Variants in RAD50 observed in about 807,000 individuals in gnomAD.
RAD50 encodes RAD50 double strand break repair protein, also known as DNA repair protein RAD50.
In RAD50, 132 loss-of-function variants were observed where a neutral mutation model predicts 168.8. The observed-to-expected ratio is 0.78, with a 90% CI of 0.68 to 0.90. The LOEUF is 0.90. Ranked by LOEUF, RAD50 falls within the 40% of genes least tolerant of loss-of-function variation. The pLI is 0.00. For missense variants in RAD50, 1,347 were observed against 1,534.4 expected (o/e 0.88, Z 2.04); for synonymous variants, 525 against 497.4 (o/e 1.06, Z -0.74).
At chr5:132,593,437 A>T (rs574682483) in intron 11 of RAD50, 1 of 152,434 alleles carries the variant, frequency 6.6e-6, no homozygotes, top group East Asian at 1.9e-4. Flanking sequence ...TTTGCAAATT[A>T]AGTAAAATGG....
chr5:132,573,461 A>G (rs747154160), intron 2 of RAD50, among the ~76,000 whole-genome samples: 1 of 152,144 alleles, frequency 6.6e-6, no homozygotes, highest in African/African-American at 2.4e-5. Flanking sequence ...CCGTGATTCA[A>G]TTATCTCCCA....
At position 132,638,113 on chromosome 5, in the gene RAD50, G is replaced by A. The variant is rs397507179; in HGVS notation, c.3508G>A (p.Asp1170Asn). The change falls in exon 23 of 25, where the codon GAT (aspartate) becomes AAT (asparagine). Residue 1170 changes from aspartate (D) to asparagine (N), a missense_variant. Coordinates refer to ENST00000378823, the MANE Select transcript of RAD50 (RefSeq NM_005732.4). Reference sequence around the variant, plus strand: ...ATACATAGAAATACGGTCTGATGCCGATGAAAATGTATCAGCTTCTGATAA... The same window carrying A: ...ATACATAGAAATACGGTCTGATGCCAATGAAAATGTATCAGCTTCTGATAA... ...IEYIEIRSDA[D>N]ENVSASDKRR... The A allele has an allele frequency of 3.8e-5, 62 of 1,613,912 alleles. No homozygotes were observed. Among genetic ancestry groups the A allele is most frequent in the African/African-American group, 1.3e-4 (10 of 74,896 alleles).
At chr5:132,611,307 C>T (rs1038906398) in intron 19 of RAD50, among the ~76,000 whole-genome samples, 1 of 152,102 alleles carries the variant, frequency 6.6e-6, no homozygotes, top group Admixed American at 6.5e-5. Flanking sequence ...AGGAGAATCG[C>T]TTGAACCTGG....
At chr5:132,573,795 A>G (rs1367815421) in intron 2 of RAD50, among the ~76,000 whole-genome samples, 1 of 152,180 alleles carries the variant, frequency 6.6e-6, no homozygotes, top group Non-Finnish European at 1.5e-5. Context: ...GGCCAAAACA[A>G]AGGGGCTACA....
At chr5:132,610,659 G>A (rs568297524) in intron 19 of RAD50, among the ~76,000 whole-genome samples, 1 of 152,104 alleles carries the variant, frequency 6.6e-6, no homozygotes, top group African/African-American at 2.4e-5. Flanking sequence ...TCAAATATAT[G>A]AAATATCAGT....
At chr5:132,635,808 G>T (rs1751569983) in intron 21 of RAD50, among the ~76,000 whole-genome samples, 2 of 152,090 alleles carry the variant, frequency 1.3e-5, no homozygotes, top group Admixed American at 6.6e-5. Flanking sequence ...CATCAGTTTT[G>T]TTTTGTTTTT....
At chr5:132,602,884 A>G (rs898765994) in intron 13 of RAD50, among the ~76,000 whole-genome samples, 2 of 152,074 alleles carry the variant, frequency 1.3e-5, no homozygotes, top group Non-Finnish European at 2.9e-5. Flanking sequence ...TGACCTTAAC[A>G]CTTTTGGTCA....
intron 23 of RAD50, among the ~76,000 whole-genome samples, chr5:132,638,896 C>T (rs1751652656): frequency 6.6e-6 from 1 of 152,172 alleles, no homozygotes; most frequent in Admixed American, 6.5e-5. Flanking sequence ...AGGTTTGTAA[C>T]AAAGATGTCA....
intron 13 of RAD50, among the ~76,000 whole-genome samples, chr5:132,599,441 G>T (rs538463697): frequency 6.6e-6 from 1 of 152,210 alleles, no homozygotes; most frequent in South Asian, 2.1e-4. Flanking sequence ...AGAAGGATGA[G>T]TTTGGGACAA....
At chr5:132,611,488 G>A (rs190689971) in intron 19 of RAD50, among the ~76,000 whole-genome samples, 162 of 151,960 alleles carry the variant, frequency 1.1e-3, no homozygotes, top group African/African-American at 1.9e-3. Flanking sequence ...GGCAGATCAC[G>A]AGGTCAGGAG....
chr5:132,559,155 G>A (rs1248931054), intron 1 of RAD50, 129 bp from the exon 2 acceptor site: 2 of 932,726 alleles, frequency 2.1e-6, no homozygotes, highest in Non-Finnish European at 3.1e-6. Context: ...TTTATTACAG[G>A]TTTTATAATG....
chr5:132,583,074 T>A (rs1299335043), intron 5 of RAD50, among the ~76,000 whole-genome samples: 3 of 152,236 alleles, frequency 2.0e-5, no homozygotes, highest in African/African-American at 4.8e-5. Flanking sequence ...ATAGTAGAGC[T>A]GTTAGTATTC....
At chr5:132,601,768 C>T (rs1750891850) in intron 13 of RAD50, among the ~76,000 whole-genome samples, 2 of 152,100 alleles carry the variant, frequency 1.3e-5, no homozygotes, top group Admixed American at 1.3e-4. Context: ...AAATGTGGCA[C>T]ATATACACCA....
chr5:132,583,454 G>C (rs73259649), intron 5 of RAD50, among the ~76,000 whole-genome samples: 2,210 of 152,154 alleles, frequency 0.015, 63 homozygotes, highest in African/African-American at 0.051. Flanking sequence ...TATGCATACA[G>C]TAGCATAACC....
rs763159050 is a variant in RAD50, at chr5:132,605,025, G to T, written c.2718+26G>T. On this transcript the variant is annotated intron_variant, in intron 16 of 24. Transcript: ENST00000378823. ...GTAAGAATATCCATACATGTTTTTT[G>T]TAAAATTATTTTAATTATTTATTTT... 7 of 1,464,370 alleles carry T rather than the reference G, an allele frequency of 4.8e-6. No individual in the cohort carries two copies. The South Asian group carries it at 9.6e-5, about 20-fold the overall frequency. 90.7% of individuals were successfully genotyped at this position (1,464,370 alleles called of 1,614,324 possible). A position where few individuals can be genotyped will look rare whatever the true frequency, so the allele number is the denominator to read the frequency against.
chr5:132,588,082 T>G lies in RAD50; in HGVS notation c.1044T>G (p.Val348=), dbSNP rs1750629183. 6.2e-7 allele frequency: 1 copy of G among 1,611,274 alleles called. No homozygotes were observed. Among genetic ancestry groups the G allele is most frequent in the Admixed American group, 1.7e-5 (1 of 59,998 alleles). ...LLNQEKSELL[V]EQGRLQLQAD... is the part of the protein sequence containing the mutation. The stretch of plus-strand genomic sequence containing the variant: ...ATCAGGAAAAATCAGAACTGCTTGT[T>G]GAACAGGGTAGGACAAAATGTTTAT... The change falls in exon 7 of 25, where the codon GTT becomes GTG. Residue 348 remains valine (V), a synonymous_variant. Coordinates refer to ENST00000378823, the MANE Select transcript of RAD50 (RefSeq NM_005732.4).
At chr5:132,616,468 G>C (rs147283054) in intron 20 of RAD50, among the ~76,000 whole-genome samples, 1 of 152,272 alleles carries the variant, frequency 6.6e-6, no homozygotes, top group Non-Finnish European at 1.5e-5. Context: ...GTCAGAGCTT[G>C]TACAGTCTAT....
At chr5:132,611,583 G>A (rs528127334) in intron 19 of RAD50, among the ~76,000 whole-genome samples, 15 of 150,556 alleles carry the variant, frequency 1.0e-4, no homozygotes, top group Non-Finnish European at 2.1e-4. Flanking sequence ...GTGGGCGCCT[G>A]TAGTCCCAGC....
rs863224509 is a variant in RAD50, at chr5:132,604,987, CA to C, written c.2707del (p.Arg903GlufsTer3). ...TATCCACTGAAGTTCAGTCTTTGTA[CA>C]GAGAGATAAAGGTAAGAATATCCAT... ...ELSTEVQSLYREIKDAKEQVS... is the reference protein window; with the variant it reads ...ELSTEVQSLYXEIKDAKEQVS... On this transcript the variant is annotated frameshift_variant, in exon 16 of 25. Coordinates refer to ENST00000378823, the MANE Select transcript of RAD50 (RefSeq NM_005732.4). LOFTEE classifies it high-confidence loss of function. 7.5e-6 allele frequency: 12 copies of C among 1,608,186 alleles called. No homozygotes were observed. Among genetic ancestry groups the C allele is most frequent in the Non-Finnish European group, 1.0e-5 (12 of 1,174,820 alleles).
Sources: allele counts gnomAD v4.1 joint callset (sites outside exome capture counted in the v4.1 genomes callset), GRCh38; gene constraint gnomAD v4.1.1; transcripts MANE v1.5; gene names NCBI Gene and HGNC (gene_info 2026-07-23, HGNC 2026-07-21).